ABCA13: variants seen among roughly 807,000 people sequenced by gnomAD.
The protein encoded by ABCA13 is ATP binding cassette subfamily A member 13.
A neutral mutation model predicts 478.7 loss-of-function variants in ABCA13; 476 were observed. The ratio of observed to expected loss-of-function variants is 0.99; its 90% CI spans 0.92 to 1.07. ABCA13 has a LOEUF of 1.07. Among genes scored for constraint, ABCA13 ranks in the 50% least tolerant of loss-of-function variants. ABCA13 has a pLI of 0.00. For missense variants in ABCA13, 6,060 were observed against 5,910.6 expected (o/e 1.03, Z -0.83); for synonymous variants, 2,252 against 2,158.9 (o/e 1.04, Z -1.20).
At chr7:48,465,123 A>G (rs1341097244) in intron 43 of ABCA13, among the ~76,000 whole-genome samples, 1 of 152,216 alleles carries the variant, frequency 6.6e-6, no homozygotes, top group Non-Finnish European at 1.5e-5. Context: ...ATGGTGAGCA[A>G]CAGGCCCTAG....
chr7:48,545,559 A>AT (rs912788260), intron 55 of ABCA13, among the ~76,000 whole-genome samples: 8 of 151,508 alleles, frequency 5.3e-5, no homozygotes, highest in African/African-American at 9.7e-5. Context: ...CTCATATATC[A>AT]TTTTTTTTCA....
intron 48 of ABCA13, among the ~76,000 whole-genome samples, chr7:48,491,352 A>G (rs1464068767): frequency 6.6e-6 from 1 of 152,192 alleles, no homozygotes; most frequent in Non-Finnish European, 1.5e-5. Context: ...CTATGGGTAG[A>G]ACAGAGGGAA....
chr7:48,553,410 A>G (rs1785504215), intron 55 of ABCA13, among the ~76,000 whole-genome samples: 1 of 151,996 alleles, frequency 6.6e-6, no homozygotes, highest in African/African-American at 2.4e-5. Flanking sequence ...GTGACTACCA[A>G]TTTACATTCC....
chr7:48,286,819 G>C (rs112826025), intron 19 of ABCA13, among the ~76,000 whole-genome samples: 1,559 of 152,116 alleles, frequency 0.01, 22 homozygotes, highest in African/African-American at 0.036. Flanking sequence ...TTTTTATAAA[G>C]GACTTTTGAG....
chr7:48,640,603 G>C lies in ABCA13; in HGVS notation c.14838-2685G>C, dbSNP rs569205349. 1.2e-4 allele frequency among the ~76,000 whole-genome samples: 19 copies of C among 152,200 alleles called. No homozygotes were observed. The South Asian group carries it at 3.7e-3, about 30-fold the overall frequency. On this transcript the variant is annotated intron_variant, in intron 59 of 61. Transcript: ENST00000435803. ...CATAACGTATTATCTAGAAATGTTA[G>C]ATCAATGAGTGAACATAGAAATAAA...
At chr7:48,416,878 C>T (rs2129107607) in intron 41 of ABCA13, among the ~76,000 whole-genome samples, 1 of 152,210 alleles carries the variant, frequency 6.6e-6, no homozygotes, top group East Asian at 1.9e-4. Context: ...TGCTGTACTT[C>T]AGTCCTTCCA....
At chr7:48,205,390 G>A (rs1259633419) in intron 3 of ABCA13, among the ~76,000 whole-genome samples, 1 of 151,996 alleles carries the variant, frequency 6.6e-6, no homozygotes, top group Non-Finnish European at 1.5e-5. Flanking sequence ...ACATTGATTT[G>A]TAATCCCATT....
At chr7:48,455,702 G>T (rs1825591569) in intron 43 of ABCA13, among the ~76,000 whole-genome samples, 1 of 152,210 alleles carries the variant, frequency 6.6e-6, no homozygotes, top group Non-Finnish European at 1.5e-5. Flanking sequence ...GTTGTTTCTG[G>T]GACAACAGCC....
At chr7:48,481,915 T>C (rs1285922586) in intron 46 of ABCA13, among the ~76,000 whole-genome samples, 1 of 152,200 alleles carries the variant, frequency 6.6e-6, no homozygotes, top group Non-Finnish European at 1.5e-5. Context: ...CAGTTGGGAA[T>C]GTGTACTTAT....
intron 35 of ABCA13, among the ~76,000 whole-genome samples, chr7:48,378,406 A>C (rs954322287): frequency 6.6e-6 from 1 of 152,220 alleles, no homozygotes; most frequent in Admixed American, 6.5e-5. Flanking sequence ...TGTTTTCCTC[A>C]GGGGACCAGG....
At chr7:48,263,442 A>G (rs1406735742) in intron 15 of ABCA13, among the ~76,000 whole-genome samples, 1 of 151,910 alleles carries the variant, frequency 6.6e-6, no homozygotes, top group East Asian at 1.9e-4. Flanking sequence ...GTGTTTTGGC[A>G]TGGGTTTTGG....
At chr7:48,308,643 CT>C (rs1347041299) in intron 23 of ABCA13, among the ~76,000 whole-genome samples, 4 of 151,968 alleles carry the variant, frequency 2.6e-5, no homozygotes, top group Non-Finnish European at 5.9e-5. Flanking sequence ...CCATTATAAT[CT>C]TATGGGACTA....
chr7:48,632,714 G>A (rs1025465518), intron 59 of ABCA13, among the ~76,000 whole-genome samples: 2 of 152,116 alleles, frequency 1.3e-5, no homozygotes, highest in African/African-American at 4.8e-5. Flanking sequence ...GGGCTTTATG[G>A]TCAACTGATT....
Position 48,234,080 on chromosome 7 carries a change from C to T in ABCA13, c.826C>T (p.Leu276Phe). ...GGATCCACAGAAAGTCCAGTATGAT[C>T]TCAAATCCCAGTTTGGCTTTGATGA... ...VWDPQKVQYDLKSQFGFDDLH... is the reference protein window; with the variant it reads ...VWDPQKVQYDFKSQFGFDDLH... Residue 276 changes from leucine to phenylalanine, a missense_variant, in exon 8 of 62, where the codon CTC becomes TTC. By Grantham distance (22) the Leu-to-Phe change is conservative. Coordinates refer to ENST00000435803, the MANE Select transcript of ABCA13 (RefSeq NM_152701.5). The T allele has an allele frequency of 6.2e-7, 1 of 1,614,026 alleles. No homozygotes were observed. The highest frequency in any genetic ancestry group is 1.1e-5 in the South Asian group (1 of 91,086).
chr7:48,270,327 G>T (rs1294879378), intron 16 of ABCA13, among the ~76,000 whole-genome samples: 1 of 152,170 alleles, frequency 6.6e-6, no homozygotes, highest in Non-Finnish European at 1.5e-5. Context: ...AATGAACTAA[G>T]ATAGTAGTTG....
At chr7:48,608,382 G>A (rs74794704) in intron 58 of ABCA13, among the ~76,000 whole-genome samples, 1 of 152,196 alleles carries the variant, frequency 6.6e-6, no homozygotes, top group East Asian at 1.9e-4. Flanking sequence ...GGCTCCTTTT[G>A]TGTCTCTCCT....
chr7:48,394,938 G>T (rs985718911), intron 38 of ABCA13, among the ~76,000 whole-genome samples: 15 of 152,108 alleles, frequency 9.9e-5, no homozygotes, highest in Non-Finnish European at 1.3e-4. Context: ...GCTGCCCTTG[G>T]TTGTATGGTG....
At chr7:48,626,465 G>GGGA in intron 59 of ABCA13, 1 of 258,900 alleles carries the variant, frequency 3.9e-6, no homozygotes, top group Non-Finnish European at 6.0e-6. Flanking sequence ...TAAACTTGAA[G>GGGA]GGAATCTTTG....
At chr7:48,452,119 ATTC>A (rs1233070611) in intron 42 of ABCA13, among the ~76,000 whole-genome samples, 1 of 152,182 alleles carries the variant, frequency 6.6e-6, no homozygotes, top group Non-Finnish European at 1.5e-5. Flanking sequence ...GAGAAAATTT[ATTC>A]TTCTTAATAT....
Sources: allele counts gnomAD v4.1 joint callset (sites outside exome capture counted in the v4.1 genomes callset), GRCh38; gene constraint gnomAD v4.1.1; transcripts MANE v1.5; gene names NCBI Gene and HGNC (gene_info 2026-07-23, HGNC 2026-07-21).